The following PLCB1 variants were observed in gnomAD, a reference collection of about 807,000 sequenced individuals.
PLCB1 encodes the protein phospholipase C beta 1.
PLCB1 carries 46 observed loss-of-function variants against 161.8 expected under a neutral mutation model. That is an observed-to-expected ratio of 0.28 (90% CI 0.22 to 0.36). PLCB1 has a LOEUF of 0.36. Ranked by LOEUF, PLCB1 falls within the 10% of genes least tolerant of loss-of-function variation. The pLI, the probability that PLCB1 is intolerant of heterozygous loss-of-function variation, is 1.00. For synonymous variants in PLCB1, 517 were observed against 503.7 expected (o/e 1.03, Z -0.35); for missense variants, 1,016 against 1,472.5 (o/e 0.69, Z 5.07).
chr20:8,310,904 T>C (rs1243143563), intron 2 of PLCB1, among the ~76,000 whole-genome samples: 1 of 152,174 alleles, frequency 6.6e-6, no homozygotes. Flanking sequence ...TGATTTGTTA[T>C]TTTTTGTGGC....
intron 2 of PLCB1, among the ~76,000 whole-genome samples, chr20:8,199,312 C>T (rs1448925715): frequency 6.6e-6 from 1 of 151,958 alleles, no homozygotes; most frequent in African/African-American, 2.4e-5. Flanking sequence ...TCAGATGTTT[C>T]CCTTTGGGTA....
In PLCB1 at chr20:8,818,700, T is replaced by C. The variant is rs1366397384; in HGVS notation, c.3423+28439T>C. Among the ~76,000 whole-genome samples the C allele has an allele frequency of 1.7e-4, 26 of 152,196 alleles. 1 individual carries two copies. The highest frequency in any genetic ancestry group is 3.8e-4 in the Non-Finnish European group (26 of 68,032). On this transcript the variant is annotated intron_variant, in intron 31 of 31. Transcript: ENST00000338037. ...TGGGTATAACATCAAACAAGGTCTA[T>C]TATAACATGCTTATGAATTGGAAGA... is the stretch of plus-strand genomic sequence containing the variant.
At chr20:8,400,802 C>T (rs708919) in intron 3 of PLCB1, among the ~76,000 whole-genome samples, 40,704 of 151,690 alleles carry the variant, frequency 0.27, 5,814 homozygotes, top group East Asian at 0.39. Flanking sequence ...TTTATTGTTT[C>T]CGGTTTTTTG....
intron 31 of PLCB1, among the ~76,000 whole-genome samples, chr20:8,860,643 T>C (rs936157074): frequency 6.6e-6 from 1 of 152,204 alleles, no homozygotes; most frequent in Non-Finnish European, 1.5e-5. Flanking sequence ...AATCCATTCA[T>C]CTCCACAGGG....
chr20:8,751,272 A>G (rs1480783583), intron 23 of PLCB1: 1 of 161,702 alleles, frequency 6.2e-6, no homozygotes, highest in Non-Finnish European at 1.4e-5. Context: ...TGACTCAGAC[A>G]AGGAAAGCAT....
chr20:8,250,021 ACAGG>A (rs1224637078), intron 2 of PLCB1, among the ~76,000 whole-genome samples: 1 of 151,954 alleles, frequency 6.6e-6, no homozygotes, highest in Non-Finnish European at 1.5e-5. Context: ...CAAAGTATTA[ACAGG>A]CAGGCCAACT....
At chr20:8,139,334 A>T (rs1445370150) in intron 1 of PLCB1, among the ~76,000 whole-genome samples, 2 of 151,952 alleles carry the variant, frequency 1.3e-5, no homozygotes, top group Non-Finnish European at 2.9e-5. Flanking sequence ...GACCTCGGGT[A>T]ATCTGCCCAC....
rs368805214 is a variant in PLCB1, at chr20:8,191,664, T to C, written c.177+41293T>C. On this transcript the variant is annotated intron_variant, in intron 2 of 31. Coordinates refer to ENST00000338037, the MANE Select transcript of PLCB1 (RefSeq NM_015192.4). ...CCAAAATGCGAACGTGTGAGTTGCA[T>C]TGGGACAGATTAGTATGCTCTGTAA... is the stretch of plus-strand genomic sequence containing the variant. Among the ~76,000 whole-genome samples, 51 of 152,120 alleles carry C rather than the reference T, an allele frequency of 3.4e-4. No homozygotes were observed. In the East Asian group the frequency reaches 8.5e-3, roughly 25 times the overall value.
intron 31 of PLCB1, among the ~76,000 whole-genome samples, chr20:8,823,165 C>T (rs947224993): frequency 6.6e-6 from 1 of 152,178 alleles, no homozygotes; most frequent in African/African-American, 2.4e-5. Context: ...CTCTGTCACC[C>T]GGGCTGGAGT....
At chr20:8,691,746 C>T (rs1990483885) in intron 10 of PLCB1, among the ~76,000 whole-genome samples, 2 of 151,988 alleles carry the variant, frequency 1.3e-5, no homozygotes, top group South Asian at 4.2e-4. Context: ...TCATTATTGC[C>T]CCTTTGTTGA....
At chr20:8,661,302 A>G (rs1989614325) in intron 9 of PLCB1, among the ~76,000 whole-genome samples, 1 of 152,098 alleles carries the variant, frequency 6.6e-6, no homozygotes, top group South Asian at 2.1e-4. Context: ...TCACTTAAGA[A>G]TATTGCCTAG....
At chr20:8,189,656 C>T (rs1483031244) in intron 2 of PLCB1, among the ~76,000 whole-genome samples, 1 of 152,030 alleles carries the variant, frequency 6.6e-6, no homozygotes, top group Non-Finnish European at 1.5e-5. Flanking sequence ...AACTGTAACA[C>T]ATTTATCATC....
chr20:8,560,500 T>G (rs1293676204), intron 3 of PLCB1, among the ~76,000 whole-genome samples: 2 of 152,024 alleles, frequency 1.3e-5, no homozygotes, highest in Non-Finnish European at 2.9e-5. Context: ...TATGGATTAA[T>G]GCAATCAGAA....
At chr20:8,765,593 G>A (rs558167138) in intron 26 of PLCB1, among the ~76,000 whole-genome samples, 10 of 152,190 alleles carry the variant, frequency 6.6e-5, no homozygotes, top group East Asian at 3.9e-4. Flanking sequence ...TCTAGCCTGC[G>A]ATCCCAATTC....
At chr20:8,703,212 G>A (rs1209229792) in intron 11 of PLCB1, among the ~76,000 whole-genome samples, 2 of 152,148 alleles carry the variant, frequency 1.3e-5, no homozygotes, top group Non-Finnish European at 2.9e-5. Context: ...ACCTCCTAGG[G>A]TGGTTGTAAG....
chr20:8,165,694 C>T (rs2051668067), intron 2 of PLCB1, among the ~76,000 whole-genome samples: 1 of 152,162 alleles, frequency 6.6e-6, no homozygotes, highest in Non-Finnish European at 1.5e-5. Flanking sequence ...AAAGGCTGTG[C>T]ATCTTGTCTA....
intron 2 of PLCB1, among the ~76,000 whole-genome samples, chr20:8,304,022 C>G (rs969918830): frequency 6.6e-6 from 1 of 152,168 alleles, no homozygotes; most frequent in Admixed American, 6.6e-5. Context: ...GAAAGATCAT[C>G]TCAGACTAAG....
chr20:8,455,576 G>C (rs1981277422), intron 3 of PLCB1, among the ~76,000 whole-genome samples: 1 of 151,132 alleles, frequency 6.6e-6, no homozygotes. Context: ...GAGTAGCTGG[G>C]ACTACCGGCA....
At chr20:8,522,380 C>T (rs554023754) in intron 3 of PLCB1, among the ~76,000 whole-genome samples, 9 of 152,264 alleles carry the variant, frequency 5.9e-5, no homozygotes, top group African/African-American at 2.2e-4. Flanking sequence ...ACATCATCCT[C>T]ATTCTGGCCT....
Sources: allele counts gnomAD v4.1 joint callset (sites outside exome capture counted in the v4.1 genomes callset), GRCh38; gene constraint gnomAD v4.1.1; transcripts MANE v1.5; gene names NCBI Gene and HGNC (gene_info 2026-07-23, HGNC 2026-07-21).